Variants in ZNF385D observed in about 807,000 individuals in gnomAD.
ZNF385D encodes zinc finger protein 385D.
A neutral mutation model predicts 35.8 loss-of-function variants in ZNF385D; 15 were observed. The ratio of observed to expected loss-of-function variants is 0.42; its 90% CI spans 0.28 to 0.64. The LOEUF is 0.64. Among genes scored for constraint, ZNF385D ranks in the 30% least tolerant of loss-of-function variants. The pLI, the probability that ZNF385D is intolerant of heterozygous loss-of-function variation, is 0.23. For missense variants in ZNF385D, 474 were observed against 494.6 expected, an observed-to-expected ratio of 0.96 and a Z score of 0.39; for synonymous variants, 212 against 186.8, an observed-to-expected ratio of 1.13 and a Z score of -1.10.
chr3:22,132,419 A>G (rs1392106489), intron 3 of ZNF385D, among the ~76,000 whole-genome samples: 1 of 152,170 alleles, frequency 6.6e-6, no homozygotes, highest in Non-Finnish European at 1.5e-5. Context: ...CCAGTTTATG[A>G]TATTTTGTAA....
intron 4 of ZNF385D, among the ~76,000 whole-genome samples, chr3:21,501,275 C>T (rs1706340420): frequency 6.6e-6 from 1 of 152,146 alleles, no homozygotes; most frequent in African/African-American, 2.4e-5. Flanking sequence ...CTATTAAACT[C>T]TCCACTCCTT....
intron 2 of ZNF385D, among the ~76,000 whole-genome samples, chr3:22,235,801 G>T (rs139538286): frequency 6.6e-6 from 1 of 152,202 alleles, no homozygotes; most frequent in South Asian, 2.1e-4. Flanking sequence ...CACATAGTCT[G>T]GGAGGAGTGC....
rs889484426 is a variant in ZNF385D at position 21,699,490 on chromosome 3, TA to T, written c.23-34463del. 6.7e-5 allele frequency among the ~76,000 whole-genome samples: 10 copies of T among 150,120 alleles called. No individual in the cohort carries two copies. In the South Asian group the frequency reaches 1.1e-3, roughly 16 times the overall value. ...TATCCCAGAACTTAAAGTATAATAATAAAAAAAAATGAAATAAAGTAATTTA... is the reference window on the plus strand; with the variant it reads ...TATCCCAGAACTTAAAGTATAATAATAAAAAAAATGAAATAAAGTAATTTA... On this transcript the variant is annotated intron_variant, in intron 1 of 7. Transcript: ENST00000281523.
At chr3:22,042,424 G>C (rs1012926140) in intron 3 of ZNF385D, among the ~76,000 whole-genome samples, 2 of 151,652 alleles carry the variant, frequency 1.3e-5, no homozygotes, top group Non-Finnish European at 2.9e-5. Context: ...ACTTAGTTGT[G>C]ATAGGGCTAA....
At chr3:21,905,725 C>T (rs998109145) in intron 3 of ZNF385D, among the ~76,000 whole-genome samples, 2 of 150,442 alleles carry the variant, frequency 1.3e-5, no homozygotes, top group African/African-American at 2.4e-5. Flanking sequence ...GTTCAACACA[C>T]TTTTTACTAT....
At chr3:22,372,723 GCGCCTCTGCCTC>G (rs1371023753) in exon 2 of ZNF385D, 1 of 153,226 alleles carries the variant, frequency 6.5e-6, no homozygotes, top group Non-Finnish European at 1.4e-5. Context: ...GGCAGTCAGC[GCGCCTCTGCCTC>G]CGCCGCGCTC....
At chr3:21,763,857 A>C (rs562124697) in intron 3 of ZNF385D, among the ~76,000 whole-genome samples, 135 of 152,194 alleles carry the variant, frequency 8.9e-4, no homozygotes, top group Non-Finnish European at 1.6e-3. Flanking sequence ...AGACATTAAA[A>C]TGTTTTCATT....
intron 3 of ZNF385D, among the ~76,000 whole-genome samples, chr3:22,005,083 A>AAATAC (rs1553717904): frequency 8.5e-6 from 1 of 117,312 alleles, no homozygotes; most frequent in Non-Finnish European, 1.7e-5. Context: ...AAAAAAAAAA[A>AAATAC]AGGCAGAAAA....
intron 2 of ZNF385D, among the ~76,000 whole-genome samples, chr3:22,204,483 G>A (rs547647631): frequency 3.3e-5 from 5 of 151,992 alleles, no homozygotes; most frequent in South Asian, 4.2e-4. Context: ...CAAGAGCATC[G>A]AGAAAAACAT....
At chr3:22,008,806 A>G (rs1696382510) in intron 3 of ZNF385D, among the ~76,000 whole-genome samples, 1 of 152,246 alleles carries the variant, frequency 6.6e-6, no homozygotes, top group African/African-American at 2.4e-5. Context: ...CAATTATAAA[A>G]ATACTGCAAG....
At chr3:21,813,463 A>T (rs1022398766) in intron 3 of ZNF385D, among the ~76,000 whole-genome samples, 1 of 152,210 alleles carries the variant, frequency 6.6e-6, no homozygotes, top group Non-Finnish European at 1.5e-5. Context: ...AAAAAAGATT[A>T]GGTGAATGGC....
intron 3 of ZNF385D, among the ~76,000 whole-genome samples, chr3:22,005,598 C>G (rs542146599): frequency 6.6e-6 from 1 of 151,886 alleles, no homozygotes; most frequent in African/African-American, 2.4e-5. Flanking sequence ...CACATGTATC[C>G]CATAAGTATG....
intron 3 of ZNF385D, among the ~76,000 whole-genome samples, chr3:21,874,988 CTTTT>C (rs34505652): frequency 6.6e-6 from 1 of 151,546 alleles, no homozygotes; most frequent in Non-Finnish European, 1.5e-5. Flanking sequence ...ATTTTGATGC[CTTTT>C]TTTATTTTGA....
At chr3:21,608,838 G>A (rs2064576825) in intron 2 of ZNF385D, among the ~76,000 whole-genome samples, 1 of 152,148 alleles carries the variant, frequency 6.6e-6, no homozygotes, top group Non-Finnish European at 1.5e-5. Context: ...ATTAAATTGT[G>A]TTGTTCTTCC....
At chr3:21,681,388 T>C (rs752775698) in intron 1 of ZNF385D, among the ~76,000 whole-genome samples, 1 of 149,056 alleles carries the variant, frequency 6.7e-6, no homozygotes, top group Non-Finnish European at 1.5e-5. Context: ...TTATTCATTA[T>C]GTTTCTGGAA....
intron 2 of ZNF385D, among the ~76,000 whole-genome samples, chr3:22,185,170 T>C (rs981853495): frequency 4.0e-5 from 6 of 151,626 alleles, no homozygotes; most frequent in Non-Finnish European, 5.9e-5. Context: ...GAAAAGGTTG[T>C]AGAAACTTTA....
At chr3:21,492,826 A>T (rs1250676721) in intron 4 of ZNF385D, among the ~76,000 whole-genome samples, 6 of 139,808 alleles carry the variant, frequency 4.3e-5, no homozygotes, top group Non-Finnish European at 9.4e-5. Context: ...TTTTGGCAGG[A>T]TACAACTGAG....
At chr3:22,078,730 G>T (rs985779816) in intron 3 of ZNF385D, among the ~76,000 whole-genome samples, 5 of 151,884 alleles carry the variant, frequency 3.3e-5, no homozygotes, top group Admixed American at 2.0e-4. Flanking sequence ...CATAAGTATT[G>T]GCAAGTTGCA....
At chr3:21,439,607 A>G (rs959571652) in intron 4 of ZNF385D, among the ~76,000 whole-genome samples, 2 of 152,110 alleles carry the variant, frequency 1.3e-5, no homozygotes, top group Non-Finnish European at 2.9e-5. Flanking sequence ...GGCACATAGT[A>G]TAGATCATAG....
Sources: gnomAD v4.1 joint callset for allele counts (sites outside exome capture counted in the v4.1 genomes callset) on GRCh38, gnomAD v4.1.1 for gene constraint, MANE v1.5 for transcripts, NCBI Gene and HGNC (gene_info 2026-07-23, HGNC 2026-07-21) for gene names.